PCDHGA11: variants seen among roughly 807,000 people sequenced by gnomAD.
PCDHGA11 encodes protocadherin gamma-A11.
In PCDHGA11, 39 loss-of-function variants were observed where a neutral mutation model predicts 60.4. That is an observed-to-expected ratio of 0.65 (90% CI 0.50 to 0.84). PCDHGA11 has a LOEUF of 0.84. PCDHGA11 is among the 40% of genes least tolerant of loss of function. The pLI, the probability that PCDHGA11 is intolerant of heterozygous loss-of-function variation, is 0.00. For synonymous variants in PCDHGA11, 533 were observed against 510.3 expected (o/e 1.04, Z -0.60); for missense variants, 1,165 against 1,197.7 (o/e 0.97, Z 0.40).
chr5:141,423,202 G>T lies in PCDHGA11; in HGVS notation c.1975G>T (p.Val659Phe). The T allele has an allele frequency of 6.2e-7, 1 of 1,613,618 alleles. No individual in the cohort carries two copies. Among genetic ancestry groups the T allele is most frequent in the Non-Finnish European group, 8.5e-7 (1 of 1,179,984 alleles). The change falls in exon 1 of 4, where the codon GTC becomes TTC. Residue 659 changes from valine to phenylalanine, a missense_variant. Val to Phe is a conservative substitution (Grantham distance 50, BLOSUM62 -1). Transcript: ENST00000398587. ...CGGCCAGCCCCCTCTCTCGGCCACCGTCACGCTCACCGTGGCTGTGGCCGA... is the reference window on the plus strand; with the variant it reads ...CGGCCAGCCCCCTCTCTCGGCCACCTTCACGCTCACCGTGGCTGTGGCCGA... ...DHGQPPLSAT[V>F]TLTVAVADSI...
At chr5:141,424,959 C>A (rs1561817087) in intron 1 of PCDHGA11, among the ~76,000 whole-genome samples, 4 of 152,152 alleles carry the variant, frequency 2.6e-5, no homozygotes, top group Non-Finnish European at 5.9e-5. Flanking sequence ...TAGGTATTTG[C>A]CCCAAATTAC....
At position 141,491,187 on chromosome 5, in the gene PCDHGA11, G is replaced by A. The variant is rs2099709293; in HGVS notation, c.2434-3620G>A. ...CCCAGCAGGTGGTGGTCCTGGTGAG[G>A]GACAATGGTGACCCTTCACTCTCCT... On this transcript the variant is annotated intron_variant, in intron 1 of 3. Coordinates refer to ENST00000398587, the MANE Select transcript of PCDHGA11 (RefSeq NM_018914.3). The surrounding 1 kb of genome is among the most constrained non-coding windows in gnomAD (Gnocchi z 6.9). The A allele has an allele frequency of 6.2e-7, 1 of 1,614,064 alleles. No homozygotes were observed. The highest frequency in any genetic ancestry group is 1.1e-5 in the South Asian group (1 of 91,080).
intron 1 of PCDHGA11, among the ~76,000 whole-genome samples, chr5:141,450,123 T>G (rs565568384): frequency 2.4e-4 from 36 of 150,874 alleles, no homozygotes; most frequent in Non-Finnish European, 4.7e-4. Context: ...TCTCCTGCCT[T>G]AGCCTCCTGA....
In PCDHGA11 at chr5:141,431,797, A is replaced by T. The variant is rs754056771; in HGVS notation, c.2433+8137A>T. 6.2e-7 allele frequency: 1 copy of T among 1,614,256 alleles called. No homozygotes were observed. The highest frequency in any genetic ancestry group is 2.2e-5 in the East Asian group (1 of 44,882). ...TGGACGTGAACGACAATGCCCCAGAAGTGGTCCTCACCTCTCTCGCCAGCT... is the reference window on the plus strand; with the variant it reads ...TGGACGTGAACGACAATGCCCCAGATGTGGTCCTCACCTCTCTCGCCAGCT... On this transcript the variant is annotated intron_variant, in intron 1 of 3. Coordinates refer to ENST00000398587, the MANE Select transcript of PCDHGA11 (RefSeq NM_018914.3). This position sits in a 1 kb window ranked among gnomAD's most constrained non-coding sequence, Gnocchi z 4.8.
At position 141,431,274 on chromosome 5, in the gene PCDHGA11, TC is replaced by T. The variant is rs767658803; in HGVS notation, c.2433+7615del. On this transcript the variant is annotated intron_variant, in intron 1 of 3. Transcript: ENST00000398587. The surrounding 1 kb of genome is among the most constrained non-coding windows in gnomAD (Gnocchi z 4.8). ...AAGAACTCTCTGCAGAGCTACGAGC[TC>T]AGCCCGAACACTCACTTCTCCCTCA... 6 of 1,614,128 alleles carry T rather than the reference TC, an allele frequency of 3.7e-6. No homozygotes were observed. Among genetic ancestry groups the T allele is most frequent in the Non-Finnish European group, 5.1e-6 (6 of 1,180,024 alleles).
chr5:141,488,312 A>G lies in PCDHGA11; in HGVS notation c.2434-6495A>G, dbSNP rs952247975. 7.9e-5 allele frequency among the ~76,000 whole-genome samples: 12 copies of G among 152,286 alleles called. 1 individual carries two copies. Among genetic ancestry groups the G allele is most frequent in the African/African-American group, 2.9e-4 (12 of 41,558 alleles). On this transcript the variant is annotated intron_variant, in intron 1 of 3. Coordinates refer to ENST00000398587, the MANE Select transcript of PCDHGA11 (RefSeq NM_018914.3). ...AGTAAGTGAAATCACTTATGTCAGA[A>G]AACTGGTTTACAGTTGGCTGATTCA...
chr5:141,507,631 C>A (rs1435446169), intron 3 of PCDHGA11, among the ~76,000 whole-genome samples: 1 of 152,236 alleles, frequency 6.6e-6, no homozygotes, highest in Non-Finnish European at 1.5e-5. Context: ...TGTGGCCTTG[C>A]GCCCTGAGGC....
rs771403541 is a variant in PCDHGA11 at position 141,423,051 on chromosome 5, CCTG to C, written c.1827_1829del (p.Leu610del). On this transcript the variant is annotated inframe_deletion, in exon 1 of 4. Transcript: ENST00000398587. ...GCCAGAACGCCTGGCTGTCCTATCG[CCTG>C]CTTAAGGCCAGCGAGCCGGGACTCT... 4 of 1,614,208 alleles carry C rather than the reference CCTG, an allele frequency of 2.5e-6. No individual in the cohort carries two copies. The highest frequency in any genetic ancestry group is 1.7e-5 in the Admixed American group (1 of 60,036).
Position 141,441,798 on chromosome 5 carries a change from CGGGT to C in PCDHGA11, c.2433+18140_2433+18143del, listed in dbSNP as rs1242635625. 6.4e-4 allele frequency: 248 copies of C among 387,326 alleles called. 2 individuals are homozygous for C. The highest frequency in any genetic ancestry group is 4.8e-3 in the African/African-American group (220 of 46,120). 24.0% of individuals were successfully genotyped at this position (387,326 alleles called of 1,614,324 possible). A position where few individuals can be genotyped will look rare whatever the true frequency, so the allele number is the denominator to read the frequency against. ...GGACGACCTGAATGACAACGCACCG[CGGGT>C]GCTGTACCCCAGCTCTGGAGCGCAA... On this transcript the variant is annotated intron_variant, in intron 1 of 3. Transcript: ENST00000398587.
At chr5:141,484,120 C>A (rs1158603108) in intron 1 of PCDHGA11, among the ~76,000 whole-genome samples, 1 of 152,146 alleles carries the variant, frequency 6.6e-6, no homozygotes, top group African/African-American at 2.4e-5. Flanking sequence ...ATCAAGAATA[C>A]CTTGGTGTCA....
rs749499883 is a variant in PCDHGA11 at position 141,486,382 on chromosome 5, C to T, written c.2434-8425C>T. ...TTGCCCTCAAGTCTGCCTTCAGGAA[C>T]CAGTTCTCCCTGGTGACTGCTGGAC... is the stretch of plus-strand genomic sequence containing the variant. On this transcript the variant is annotated intron_variant, in intron 1 of 3. Transcript: ENST00000398587. The surrounding 1 kb of genome is among the most constrained non-coding windows in gnomAD (Gnocchi z 5.0). 25 of 1,613,986 alleles carry T rather than the reference C, an allele frequency of 1.5e-5. No homozygotes were observed. The highest frequency in any genetic ancestry group is 1.9e-5 in the Non-Finnish European group (23 of 1,179,998).
chr5:141,500,175 CA>C (rs762724660), intron 2 of PCDHGA11, among the ~76,000 whole-genome samples: 15 of 147,258 alleles, frequency 1.0e-4, no homozygotes, highest in Non-Finnish European at 1.5e-4. Flanking sequence ...GCATGAGCTT[CA>C]TTTTTATTTT....
chr5:141,428,108 G>C (rs771684309), intron 1 of PCDHGA11: 6 of 1,608,094 alleles, frequency 3.7e-6, no homozygotes, highest in Admixed American at 1.7e-5. Context: ...ACGTGCTGCA[G>C]GCCATCGAGC....
chr5:141,465,343 T>A (rs1221229916), intron 1 of PCDHGA11, among the ~76,000 whole-genome samples: 1 of 152,118 alleles, frequency 6.6e-6, no homozygotes, highest in Non-Finnish European at 1.5e-5. Flanking sequence ...TATTGGTTAC[T>A]GAAGAAAAAA....
rs777487681 is a variant in PCDHGA11, at chr5:141,432,809, T to C, written c.2433+9149T>C. 2.5e-6 allele frequency: 4 copies of C among 1,613,280 alleles called. No individual in the cohort carries two copies. In the African/African-American group the frequency reaches 5.4e-5, roughly 22 times the overall value. The stretch of plus-strand genomic sequence containing the variant: ...CGGCAGCCTCGAGTCTCCAGCTAAC[T>C]CTGAAACCTCAGACCTCACTCTGTA... On this transcript the variant is annotated intron_variant, in intron 1 of 3. Coordinates refer to ENST00000398587, the MANE Select transcript of PCDHGA11 (RefSeq NM_018914.3). The surrounding 1 kb of genome is among the most constrained non-coding windows in gnomAD (Gnocchi z 6.0).
In PCDHGA11 at chr5:141,486,407, C is replaced by A; in HGVS notation, c.2434-8400C>A. The A allele has an allele frequency of 6.2e-7, 1 of 1,614,134 alleles. No homozygotes were observed. The highest frequency in any genetic ancestry group is 8.5e-7 in the Non-Finnish European group (1 of 1,180,000). On this transcript the variant is annotated intron_variant, in intron 1 of 3. Transcript: ENST00000398587. This position sits in a 1 kb window ranked among gnomAD's most constrained non-coding sequence, Gnocchi z 5.0. Reference sequence around the variant, plus strand: ...CCAGTTCTCCCTGGTGACTGCTGGACCCTTGGATCGAGAGGCCAAATCTAG... The same window carrying A: ...CCAGTTCTCCCTGGTGACTGCTGGAACCTTGGATCGAGAGGCCAAATCTAG...
chr5:141,437,371 A>C (rs887976412), intron 1 of PCDHGA11, among the ~76,000 whole-genome samples: 1 of 152,262 alleles, frequency 6.6e-6, no homozygotes, highest in African/African-American at 2.4e-5. Context: ...GAATGTAATC[A>C]GTCAGAAGAC....
intron 2 of PCDHGA11, among the ~76,000 whole-genome samples, chr5:141,503,954 C>T (rs2099834393): frequency 6.6e-6 from 1 of 152,186 alleles, no homozygotes; most frequent in Non-Finnish European, 1.5e-5. Flanking sequence ...GCCTACCCTA[C>T]AGCCTTTCCC....
intron 1 of PCDHGA11, among the ~76,000 whole-genome samples, chr5:141,425,504 T>A (rs1049969153): frequency 2.6e-5 from 4 of 152,260 alleles, no homozygotes; most frequent in Non-Finnish European, 5.9e-5. Flanking sequence ...TACCTTTATA[T>A]TCTCTTTATG....
Sources: gnomAD v4.1 joint callset for allele counts (sites outside exome capture counted in the v4.1 genomes callset) on GRCh38, gnomAD v4.1.1 for gene constraint, Gnocchi (gnomAD v3.1) non-coding constraint, MANE v1.5 for transcripts, NCBI Gene and HGNC (gene_info 2026-07-23, HGNC 2026-07-21) for gene names.